TPTE: variants seen among roughly 807,000 people sequenced by gnomAD.
TPTE encodes transmembrane phosphatase with tensin homology.
In TPTE, 59 loss-of-function variants were observed where a neutral mutation model predicts 84.1. That is an observed-to-expected ratio of 0.70 (90% CI 0.57 to 0.87). The LOEUF (loss-of-function observed/expected upper bound fraction) is 0.87. Among genes scored for constraint, TPTE ranks in the 40% least tolerant of loss-of-function variants. TPTE has a pLI of 0.00. For synonymous variants in TPTE, 130 were observed against 223.5 expected, an observed-to-expected ratio of 0.58 and a Z score of 3.73; for missense variants, 382 against 659.6, an observed-to-expected ratio of 0.58 and a Z score of 4.61.
chr21:10,599,615 C>G (rs1467802885), intron 21 of TPTE, among the ~76,000 whole-genome samples: 1 of 152,308 alleles, frequency 6.6e-6, no homozygotes, highest in Admixed American at 6.5e-5. Flanking sequence ...GCCTCTTTGT[C>G]ACATAGGAAA....
At chr21:10,524,294 G>A (rs1484235286) in intron 1 of TPTE, among the ~76,000 whole-genome samples, 1 of 152,312 alleles carries the variant, frequency 6.6e-6, no homozygotes, top group Non-Finnish European at 1.5e-5. Context: ...GCGGCCCATA[G>A]ACAGGAAAGT....
chr21:10,583,012 C>T (rs1377256108), intron 17 of TPTE, among the ~76,000 whole-genome samples: 1 of 152,428 alleles, frequency 6.6e-6, no homozygotes, highest in East Asian at 1.9e-4. Context: ...GGATTACAGG[C>T]ATGAGCCACC....
chr21:10,533,122 C>G (rs961504597), intron 3 of TPTE, among the ~76,000 whole-genome samples: 3 of 152,298 alleles, frequency 2.0e-5, no homozygotes, highest in African/African-American at 7.2e-5. Context: ...CCATAACATT[C>G]TTCTTTAGTA....
chr21:10,546,232 G>T (rs1308234288), intron 7 of TPTE, among the ~76,000 whole-genome samples: 7 of 152,306 alleles, frequency 4.6e-5, no homozygotes, highest in Non-Finnish European at 1.0e-4. Flanking sequence ...TGTGATCAGT[G>T]ATCTTTGATG....
chr21:10,600,140 C>CTTT (rs71217979), intron 21 of TPTE, among the ~76,000 whole-genome samples: 5,242 of 141,346 alleles, frequency 0.037, 4 homozygotes, highest in African/African-American at 0.12. Flanking sequence ...TTTTCTTTTT[C>CTTT]TTTTTTTTTT....
chr21:10,544,610 T>C (rs1157186886), intron 7 of TPTE, among the ~76,000 whole-genome samples: 2 of 152,306 alleles, frequency 1.3e-5, no homozygotes, highest in Non-Finnish European at 2.9e-5. Context: ...GGTCTTGAAC[T>C]CCTGCCCTCG....
chr21:10,584,055 T>C (rs2075317251), intron 17 of TPTE, among the ~76,000 whole-genome samples: 1 of 152,310 alleles, frequency 6.6e-6, no homozygotes, highest in South Asian at 2.1e-4. Context: ...GCATTGAATT[T>C]ATAGACTGGG....
chr21:10,567,078 A>G (rs2074936071), intron 10 of TPTE, among the ~76,000 whole-genome samples: 1 of 94,826 alleles, frequency 1.1e-5, no homozygotes, highest in East Asian at 3.7e-4. Flanking sequence ...AAGGATAAAC[A>G]TCACATGTTC....
chr21:10,522,145 T>TC (rs1182097164), intron 1 of TPTE, among the ~76,000 whole-genome samples: 412 of 151,892 alleles, frequency 2.7e-3, no homozygotes, highest in Non-Finnish European at 4.6e-3. Context: ...CGTTGTCTTG[T>TC]CCCCCCCCAG....
chr21:10,594,687 C>T (rs11183972), intron 19 of TPTE, among the ~76,000 whole-genome samples: 2,044 of 148,808 alleles, frequency 0.014, no homozygotes, highest in African/African-American at 0.017. Context: ...CTTCTGCAGT[C>T]GTGCATAGTT....
chr21:10,598,894 G>T (rs867489197), intron 21 of TPTE, among the ~76,000 whole-genome samples: 2 of 152,414 alleles, frequency 1.3e-5, no homozygotes, highest in Non-Finnish European at 2.9e-5. Context: ...GGCCTCTCCC[G>T]ACTGAGGGCA....
At chr21:10,543,747 AG>A (rs1222062163) in intron 7 of TPTE, among the ~76,000 whole-genome samples, 1 of 151,038 alleles carries the variant, frequency 6.6e-6, no homozygotes, top group Non-Finnish European at 1.5e-5. Flanking sequence ...AATTTCTGGT[AG>A]GCAATTTTTT....
rs573061765 is a variant in TPTE, at chr21:10,590,572, A to G, written c.1089+49A>G. On this transcript the variant is annotated intron_variant, in intron 18 of 23. Transcript: ENST00000618007. ...TTGTCTTAGGATGATTGAGTTTGCT[A>G]GTTCTGAAACATCACTGGCAGGACA... The G allele has an allele frequency of 2.5e-6, 4 of 1,611,790 alleles. No homozygotes were observed. In the Admixed American group the frequency reaches 5.0e-5, roughly 20 times the overall value.
chr21:10,562,515 A>G (rs1454962396), intron 10 of TPTE, among the ~76,000 whole-genome samples: 2 of 152,312 alleles, frequency 1.3e-5, no homozygotes, highest in African/African-American at 2.4e-5. Flanking sequence ...GAAATTCAAG[A>G]TAACACAGAG....
chr21:10,522,119 C>G (rs1488682889), intron 1 of TPTE, among the ~76,000 whole-genome samples: 5 of 152,272 alleles, frequency 3.3e-5, no homozygotes, highest in South Asian at 4.1e-4. Flanking sequence ...GCGCCGCCCC[C>G]GAGGCGCCCG....
intron 14 of TPTE, among the ~76,000 whole-genome samples, chr21:10,572,589 T>C (rs375608572): frequency 3.2e-3 from 489 of 151,532 alleles, no homozygotes; most frequent in South Asian, 0.018. Context: ...TAAGATGGGA[T>C]GATATATTCA....
intron 8 of TPTE, among the ~76,000 whole-genome samples, chr21:10,554,512 T>G (rs2074640583): frequency 6.6e-6 from 1 of 152,310 alleles, no homozygotes; most frequent in African/African-American, 2.4e-5. Context: ...ATGCATGTTC[T>G]TTGACACACC....
intron 2 of TPTE, among the ~76,000 whole-genome samples, chr21:10,525,066 A>G (rs1424305490): frequency 6.6e-6 from 1 of 152,308 alleles, no homozygotes; most frequent in African/African-American, 2.4e-5. Context: ...TGCTCTGTTC[A>G]AGGATGGTAA....
chr21:10,569,721 T>G lies in TPTE; in HGVS notation c.705T>G (p.Phe235Leu). 6.2e-7 allele frequency: 1 copy of G among 1,614,046 alleles called. No individual in the cohort carries two copies. Among genetic ancestry groups the G allele is most frequent in the Non-Finnish European group, 8.5e-7 (1 of 1,179,868 alleles). ...AAAGGCGATACACAAGGGATGGATT[T>G]GACCTAGACCTCACTTACGTTACAG... ...ENKRRYTRDG[F>L]DLDLTYVTER... Residue 235 changes from phenylalanine to leucine, a missense_variant, in exon 13 of 24, where the codon TTT (phenylalanine) becomes TTG (leucine). Physicochemically the swap from Phe to Leu is conservative, Grantham distance 22 (BLOSUM62 0). This residue lies in a region of TPTE where 85 missense variants were observed against 230.9 expected (regional missense o/e 0.37). Transcript: ENST00000618007.
Sources: gnomAD v4.1 joint callset for allele counts (sites outside exome capture counted in the v4.1 genomes callset) on GRCh38, gnomAD v4.1.1 for gene constraint, gnomAD v4.1.1 regional missense constraint, MANE v1.5 for transcripts, NCBI Gene and HGNC (gene_info 2026-07-23, HGNC 2026-07-21) for gene names.